KIAA1217: variants seen among roughly 807,000 people sequenced by gnomAD.
The protein encoded by KIAA1217 is KIAA1217, also known as sickle tail protein homolog.
A neutral mutation model predicts 163.9 loss-of-function variants in KIAA1217; 88 were observed. The ratio of observed to expected loss-of-function variants is 0.54; its 90% CI spans 0.45 to 0.64. The LOEUF (loss-of-function observed/expected upper bound fraction) is 0.64, where lower values mean the gene tolerates loss of function less well. KIAA1217 is among the 30% of genes least tolerant of loss of function. KIAA1217 has a pLI of 0.00. For synonymous variants in KIAA1217, 903 were observed against 923.1 expected, an observed-to-expected ratio of 0.98 and a Z score of 0.39; for missense variants, 2,372 against 2,475.0, an observed-to-expected ratio of 0.96 and a Z score of 0.88.
At chr10:24,390,311 G>T (rs1407404239) in intron 3 of KIAA1217, among the ~76,000 whole-genome samples, 1 of 152,030 alleles carries the variant, frequency 6.6e-6, no homozygotes, top group African/African-American at 2.4e-5. Flanking sequence ...ATGTTCTAGA[G>T]AACATGGAAG....
At chr10:24,251,680 T>A (rs2074559699) in intron 2 of KIAA1217, among the ~76,000 whole-genome samples, 1 of 152,034 alleles carries the variant, frequency 6.6e-6, no homozygotes, top group African/African-American at 2.4e-5. Context: ...ACTCCTGTTG[T>A]AAATAGGGAC....
intron 1 of KIAA1217, among the ~76,000 whole-genome samples, chr10:23,983,193 A>G (rs1273212995): frequency 6.6e-6 from 1 of 152,070 alleles, no homozygotes; most frequent in African/African-American, 2.4e-5. Flanking sequence ...GCCCAAATTC[A>G]GTGGGATGGG....
intron 1 of KIAA1217, among the ~76,000 whole-genome samples, chr10:23,907,839 C>A (rs1194052346): frequency 6.6e-6 from 1 of 152,096 alleles, no homozygotes; most frequent in African/African-American, 2.4e-5. Context: ...TGACTATGTG[C>A]CTGCTCCTCT....
Position 24,543,711 on chromosome 10 carries a change from G to C in KIAA1217, c.4441G>C (p.Glu1481Gln). 2 of 1,613,768 alleles carry C rather than the reference G, an allele frequency of 1.2e-6. No homozygotes were observed. Among genetic ancestry groups the C allele is most frequent in the Non-Finnish European group, 1.7e-6 (2 of 1,179,684 alleles). The change falls in exon 19 of 21, where the codon GAG (glutamate) becomes CAG (glutamine). Residue 1481 changes from glutamate to glutamine, a missense_variant. Transcript: ENST00000376454. ...GAGAATGATGATGGAGGAAAAGATA[G>C]AGGAGGAGGAAGAGGAGGAAAATGG... The part of the protein sequence containing the change: ...LERMMMEEKI[E>Q]EEEEEENGDS...
chr10:23,881,678 G>T (rs569559938), intron 1 of KIAA1217, among the ~76,000 whole-genome samples: 1 of 152,058 alleles, frequency 6.6e-6, no homozygotes, highest in Non-Finnish European at 1.5e-5. Flanking sequence ...TGGTGAGTGG[G>T]GCATTATCTA....
rs1293647841 is a variant in KIAA1217 at position 24,527,928 on chromosome 10, T to C, written c.2899-8T>C. ...ACGTAACTTCCTTTACGTGCTATATTCCTCCAGAAAGCAGAAAAGAAATGG... is the reference window on the plus strand; with the variant it reads ...ACGTAACTTCCTTTACGTGCTATATCCCTCCAGAAAGCAGAAAAGAAATGG... On this transcript the variant is annotated splice_region_variant and splice_polypyrimidine_tract_variant and intron_variant, in intron 13 of 20. Transcript: ENST00000376454. 2.5e-6 allele frequency: 4 copies of C among 1,611,996 alleles called. No individual in the cohort carries two copies. Among genetic ancestry groups the C allele is most frequent in the Non-Finnish European group, 3.4e-6 (4 of 1,178,804 alleles).
At chr10:24,403,098 A>T (rs1314315129) in intron 3 of KIAA1217, among the ~76,000 whole-genome samples, 1 of 152,216 alleles carries the variant, frequency 6.6e-6, no homozygotes, top group African/African-American at 2.4e-5. Context: ...ATGGAAAACC[A>T]TACAACTTTT....
intron 3 of KIAA1217, among the ~76,000 whole-genome samples, chr10:24,424,102 G>A (rs746284351): frequency 2.0e-4 from 30 of 151,716 alleles, no homozygotes; most frequent in Admixed American, 1.2e-3. Context: ...GACTTTCTGC[G>A]GAGAATGAAT....
intron 3 of KIAA1217, among the ~76,000 whole-genome samples, chr10:24,423,858 T>C (rs2058963898): frequency 6.6e-6 from 1 of 152,166 alleles, no homozygotes. Flanking sequence ...AAAATTGGAA[T>C]TTAGCTTAAA....
chr10:24,409,969 C>A (rs2057592695), intron 3 of KIAA1217, among the ~76,000 whole-genome samples: 1 of 146,962 alleles, frequency 6.8e-6, no homozygotes, highest in East Asian at 2.0e-4. Flanking sequence ...ATCACAATTT[C>A]TTTTCTTTTC....
chr10:24,152,304 T>C (rs1219494170), intron 2 of KIAA1217, among the ~76,000 whole-genome samples: 1 of 152,216 alleles, frequency 6.6e-6, no homozygotes, highest in Non-Finnish European at 1.5e-5. Flanking sequence ...GCTATAAAAA[T>C]AAAATATTCT....
At chr10:23,991,554 C>T (rs1288842464) in intron 1 of KIAA1217, among the ~76,000 whole-genome samples, 1 of 152,068 alleles carries the variant, frequency 6.6e-6, no homozygotes, top group Non-Finnish European at 1.5e-5. Context: ...CTATACACCG[C>T]CCTGGATTTG....
At chr10:24,410,611 A>G (rs1219973079) in intron 3 of KIAA1217, among the ~76,000 whole-genome samples, 1 of 152,218 alleles carries the variant, frequency 6.6e-6, no homozygotes, top group Non-Finnish European at 1.5e-5. Context: ...GGTGTTCTCT[A>G]TCACTTTTCT....
intron 3 of KIAA1217, among the ~76,000 whole-genome samples, chr10:24,420,145 G>T (rs889994781): frequency 6.6e-6 from 1 of 152,270 alleles, no homozygotes; most frequent in South Asian, 2.1e-4. Context: ...TAGTGATTAT[G>T]CAAATTTACA....
intron 1 of KIAA1217, among the ~76,000 whole-genome samples, chr10:23,824,658 A>AAATATATAT (rs1837805755): frequency 3.8e-5 from 2 of 53,050 alleles, no homozygotes; most frequent in Non-Finnish European, 3.6e-5. Context: ...AAATAAAAAA[A>AAATATATAT]ATATATATAT....
At chr10:24,301,530 A>G (rs1021613551) in intron 2 of KIAA1217, among the ~76,000 whole-genome samples, 1 of 152,092 alleles carries the variant, frequency 6.6e-6, no homozygotes, top group Non-Finnish European at 1.5e-5. Context: ...TCTAACTTCC[A>G]TTCCCAAACA....
intron 2 of KIAA1217, among the ~76,000 whole-genome samples, chr10:24,322,407 C>T (rs957077056): frequency 6.6e-6 from 1 of 152,208 alleles, no homozygotes; most frequent in South Asian, 2.1e-4. Flanking sequence ...GTGGTGTAAC[C>T]AATGTGTCAG....
At chr10:24,430,255 G>A (rs1041447932) in intron 3 of KIAA1217, among the ~76,000 whole-genome samples, 4 of 150,818 alleles carry the variant, frequency 2.7e-5, no homozygotes, top group Non-Finnish European at 4.4e-5. Flanking sequence ...CCAGCATTCG[G>A]TCGAGGGCAT....
intron 2 of KIAA1217, among the ~76,000 whole-genome samples, chr10:24,239,919 C>G (rs1156820840): frequency 6.6e-6 from 1 of 151,958 alleles, no homozygotes; most frequent in Non-Finnish European, 1.5e-5. Context: ...AAAAAACAGT[C>G]CTGATAGAGA....
Sources: gnomAD v4.1 joint callset for allele counts (sites outside exome capture counted in the v4.1 genomes callset) on GRCh38, gnomAD v4.1.1 for gene constraint, MANE v1.5 for transcripts, NCBI Gene and HGNC (gene_info 2026-07-23, HGNC 2026-07-21) for gene names.